The following SVIL variants were observed in gnomAD, a reference collection of about 807,000 sequenced individuals.
The protein encoded by SVIL is archvillin.
Under a neutral mutation model 240.4 loss-of-function variants are expected in SVIL, and 101 were observed. The ratio of observed to expected loss-of-function variants is 0.42; its 90% confidence interval spans 0.36 to 0.50. The LOEUF is 0.50. Among genes scored for constraint, SVIL ranks in the 20% least tolerant of loss-of-function variants. The pLI, the probability that SVIL is intolerant of heterozygous loss-of-function variation, is 0.01. For missense variants in SVIL, 2,512 were observed against 2,818.7 expected (o/e 0.89, Z 2.46); for synonymous variants, 999 against 1,100.0 (o/e 0.91, Z 1.82).
At chr10:29,589,614 C>A (rs1227020272) in intron 1 of SVIL, among the ~76,000 whole-genome samples, 4 of 152,138 alleles carry the variant, frequency 2.6e-5, no homozygotes, top group East Asian at 1.9e-4. Context: ...GGAACTTCCA[C>A]CCAGAGACCA....
chr10:29,666,468 G>T (rs1183441772), intron 2 of SVIL, among the ~76,000 whole-genome samples: 1 of 152,096 alleles, frequency 6.6e-6, no homozygotes, highest in East Asian at 1.9e-4. Context: ...TTTTTGCCTG[G>T]AAAGACGTGA....
intron 1 of SVIL, among the ~76,000 whole-genome samples, chr10:29,589,271 C>T (rs1487741122): frequency 6.6e-6 from 1 of 152,128 alleles, no homozygotes; most frequent in Non-Finnish European, 1.5e-5. Flanking sequence ...CGCACGGCCT[C>T]GACACTGAAG....
rs1958024457 is a variant in SVIL, at chr10:29,630,028, T to G, written c.-201+4392A>C. Among the ~76,000 whole-genome samples, 2 of 151,724 alleles carry G rather than the reference T, an allele frequency of 1.3e-5. 1 individual carries two copies. The highest frequency in any genetic ancestry group is 4.2e-4 in the South Asian group (2 of 4,812). On this transcript the variant is annotated intron_variant, in intron 1 of 37. Coordinates refer to ENST00000355867, the MANE Select transcript of SVIL (RefSeq NM_021738.3). ...TATTGTAGAGGTAAAGAGTGTGGCATTAAGTCTGGCACACAGTAATAATGG... is the reference window on the plus strand; with the variant it reads ...TATTGTAGAGGTAAAGAGTGTGGCAGTAAGTCTGGCACACAGTAATAATGG...
At chr10:29,736,914 C>T (rs996798561), upstream of SVIL, 1 of 152,124 alleles carries the variant, frequency 6.6e-6, no homozygotes, top group African/African-American at 2.4e-5. Flanking sequence ...GCGCCTCCGT[C>T]CCCGAGAGCC....
intron 9 of SVIL, 92 bp downstream of exon 9, chr10:29,531,910 C>T (rs1168837035): frequency 8.6e-6 from 12 of 1,396,216 alleles, no homozygotes; most frequent in African/African-American, 1.4e-5. Flanking sequence ...CGCCAACATC[C>T]TATATAAATA....
chr10:29,584,266 G>C (rs916571633), intron 1 of SVIL, among the ~76,000 whole-genome samples: 8 of 152,226 alleles, frequency 5.3e-5, no homozygotes, highest in African/African-American at 1.9e-4. Flanking sequence ...AAATGCGCCT[G>C]ACAGCAATCA....
chr10:29,708,766 GTGGAGCTCAC>G (rs1157766814), intron 1 of SVIL, among the ~76,000 whole-genome samples: 3 of 152,108 alleles, frequency 2.0e-5, no homozygotes, highest in Admixed American at 6.5e-5. Context: ...CTGGGTGTGG[GTGGAGCTCAC>G]TGGAGCTCAC....
intron 1 of SVIL, among the ~76,000 whole-genome samples, chr10:29,715,127 A>C (rs1963540638): frequency 6.6e-6 from 1 of 152,136 alleles, no homozygotes; most frequent in Non-Finnish European, 1.5e-5. Context: ...ATATAAATTG[A>C]ACTTTAAACA....
intron 29 of SVIL, among the ~76,000 whole-genome samples, chr10:29,475,913 G>T (rs1946143263): frequency 6.6e-6 from 1 of 152,202 alleles, no homozygotes; most frequent in Admixed American, 6.5e-5. Context: ...GTTCTTAAAA[G>T]GTAGGGGGTC....
chr10:29,665,795 A>AAAACAAAC (rs72253455), intron 2 of SVIL, among the ~76,000 whole-genome samples: 13 of 151,436 alleles, frequency 8.6e-5, no homozygotes, highest in African/African-American at 2.2e-4. Flanking sequence ...CTCCATCTCA[A>AAAACAAAC]AAACAAACAA....
rs61737742 is a variant in SVIL, at chr10:29,488,629, G to A, written c.4320C>T (p.Tyr1440=). The stretch of plus-strand genomic sequence containing the variant: ...TAATCTGCAACAGCATCAGCCTCTT[G>A]TAGGGCACGGCGCTGTTGTTAGAGT... ...EQNSNNSAVP[Y]KRLMLLQIKG... The change falls in exon 23 of 38, where the codon TAC becomes TAT. Residue 1440 remains tyrosine, a synonymous_variant. Coordinates refer to ENST00000355867, the MANE Select transcript of SVIL (RefSeq NM_021738.3). 0.11 allele frequency: 183,334 copies of A among 1,608,112 alleles called. 11,776 individuals carry two copies. Among genetic ancestry groups the A allele is most frequent in the Non-Finnish European group, 0.13 (155,563 of 1,177,876 alleles).
chr10:29,471,344 G>A (rs953544839), intron 30 of SVIL, 101 bp from the exon 31 acceptor site: 29 of 943,280 alleles, frequency 3.1e-5, no homozygotes, highest in African/African-American at 1.8e-4. Flanking sequence ...ATACCAAGAC[G>A]TACAAACAAA....
Position 29,465,660 on chromosome 10 carries a change from C to G in SVIL, c.6068G>C (p.Arg2023Pro). 6.2e-7 allele frequency: 1 copy of G among 1,613,724 alleles called. No individual in the cohort carries two copies. The highest frequency in any genetic ancestry group is 8.5e-7 in the Non-Finnish European group (1 of 1,179,978). Reference protein sequence around the residue: ...FAATEFVYPARAPSVVSSMPF... With the variant: ...FAATEFVYPAPAPSVVSSMPF... ...CATGGAACTGACCACAGAGGGGGCT[C>G]GGGCAGGGTACACAAACTCTGTGGC... The change falls in exon 34 of 38, where the codon CGA (arginine) becomes CCA (proline). Residue 2023 changes from arginine to proline, a missense_variant. Around this residue, in one of 3 missense-constraint regions of SVIL, gnomAD observed 797 missense variants for 925.3 expected, o/e 0.86. Coordinates refer to ENST00000355867, the MANE Select transcript of SVIL (RefSeq NM_021738.3).
At chr10:29,526,917 C>A (rs1950960527) in intron 13 of SVIL, 44 bp downstream of exon 13, 8 of 1,449,458 alleles carry the variant, frequency 5.5e-6, no homozygotes, top group Non-Finnish European at 7.3e-6. Flanking sequence ...TGCTGTTCGG[C>A]ACCTTTGCAC....
Position 29,629,220 on chromosome 10 carries a change from G to T in SVIL, c.-201+5200C>A, listed in dbSNP as rs1022531725. On this transcript the variant is annotated intron_variant, in intron 1 of 37. Transcript: ENST00000355867. ...AAAATAAGACAAACGGGAGAGAATG[G>T]TGTAGGTAGAGAGCGGGAAGGGGTG... is the stretch of plus-strand genomic sequence containing the variant. Among the ~76,000 whole-genome samples the T allele has an allele frequency of 4.6e-5, 7 of 152,234 alleles. No individual in the cohort carries two copies. The Middle Eastern group carries it at 0.01, about 222-fold the overall frequency.
intron 12 of SVIL, among the ~76,000 whole-genome samples, chr10:29,529,175 C>CAAAAAAA (rs66523560): frequency 3.5e-3 from 230 of 66,058 alleles, no homozygotes; most frequent in Non-Finnish European, 4.2e-3. Flanking sequence ...GACTCTCTCT[C>CAAAAAAA]AAAAAAAAAA....
Position 29,603,878 on chromosome 10 carries a change from G to C in SVIL, c.-201+30542C>G, listed in dbSNP as rs140354068. ...GATGTCATACATAAAGTCAGGACTT[G>C]ATCCGCAAAGGTGACTATGTAATAA... On this transcript the variant is annotated intron_variant, in intron 1 of 37. Coordinates refer to ENST00000355867, the MANE Select transcript of SVIL (RefSeq NM_021738.3). Among the ~76,000 whole-genome samples, 676 of 152,274 alleles carry C rather than the reference G, an allele frequency of 4.4e-3. 6 individuals are homozygous for C. Among genetic ancestry groups the C allele is most frequent in the African/African-American group, 0.015 (639 of 41,534 alleles).
intron 1 of SVIL, among the ~76,000 whole-genome samples, chr10:29,700,217 T>C (rs75894779): frequency 0.015 from 2,325 of 152,316 alleles, 44 homozygotes; most frequent in East Asian, 0.095. Flanking sequence ...TTACATATGA[T>C]GGAATGCACG....
At chr10:29,609,205 G>A (rs1483883353) in intron 1 of SVIL, among the ~76,000 whole-genome samples, 2 of 152,192 alleles carry the variant, frequency 1.3e-5, no homozygotes, top group African/African-American at 4.8e-5. Flanking sequence ...CCTGCTGAAT[G>A]GCGGAAGTGA....
Sources: allele counts gnomAD v4.1 joint callset (sites outside exome capture counted in the v4.1 genomes callset), GRCh38; gene constraint gnomAD v4.1.1; regional missense constraint gnomAD v4.1.1; transcripts MANE v1.5; gene names NCBI Gene and HGNC (gene_info 2026-07-23, HGNC 2026-07-21).